The following SLC2A13 variants were observed in gnomAD, a reference collection of about 807,000 sequenced individuals.
The protein encoded by SLC2A13 is proton myo-inositol cotransporter.
A neutral mutation model predicts 64.4 loss-of-function variants in SLC2A13; 32 were observed. The observed-to-expected ratio is 0.50, with a 90% CI of 0.37 to 0.67. SLC2A13 has a LOEUF of 0.67. Ranked by LOEUF, SLC2A13 falls within the 30% of genes least tolerant of loss-of-function variation. The pLI is 0.00. For synonymous variants in SLC2A13, 338 were observed against 327.1 expected (o/e 1.03, Z -0.36); for missense variants, 743 against 829.2 (o/e 0.90, Z 1.28).
At chr12:40,053,205 C>T (rs1592042901) in intron 1 of SLC2A13, among the ~76,000 whole-genome samples, 2 of 150,212 alleles carry the variant, frequency 1.3e-5, no homozygotes, top group African/African-American at 4.9e-5. Context: ...TTGCTTGAAC[C>T]CGGGAGGCGG....
intron 7 of SLC2A13, among the ~76,000 whole-genome samples, chr12:39,775,964 G>C (rs1940759603): frequency 6.6e-6 from 1 of 152,160 alleles, no homozygotes. Context: ...CAAAAAGCTT[G>C]GAATTTTGGA....
At chr12:39,879,846 G>C (rs1944296295) in intron 4 of SLC2A13, among the ~76,000 whole-genome samples, 1 of 152,146 alleles carries the variant, frequency 6.6e-6, no homozygotes, top group Admixed American at 6.5e-5. Context: ...ATTTGGAAGG[G>C]GCCAGAGGTG....
At chr12:40,055,562 G>A (rs536038309) in intron 1 of SLC2A13, among the ~76,000 whole-genome samples, 3 of 152,304 alleles carry the variant, frequency 2.0e-5, no homozygotes, top group South Asian at 2.1e-4. Context: ...GCCTAAGGGC[G>A]TAGACTAAGT....
At chr12:39,997,285 A>G (rs1947247469) in intron 3 of SLC2A13, among the ~76,000 whole-genome samples, 1 of 152,240 alleles carries the variant, frequency 6.6e-6, no homozygotes, top group African/African-American at 2.4e-5. Context: ...TAAAGTGGGG[A>G]AAGGACACCA....
At chr12:39,819,268 A>G (rs971546305) in intron 7 of SLC2A13, among the ~76,000 whole-genome samples, 1 of 152,200 alleles carries the variant, frequency 6.6e-6, no homozygotes, top group African/African-American at 2.4e-5. Flanking sequence ...TTCATGGTTT[A>G]CAAATATTTT....
At chr12:40,010,691 T>G (rs1056455942) in intron 3 of SLC2A13, among the ~76,000 whole-genome samples, 2 of 152,310 alleles carry the variant, frequency 1.3e-5, no homozygotes, top group East Asian at 3.9e-4. Context: ...ACATTCAACT[T>G]AGGTTTTCAC....
rs1263730332 is a variant in SLC2A13, at chr12:39,979,748, T to C, written c.926-28383A>G. Among the ~76,000 whole-genome samples the C allele has an allele frequency of 6.7e-5, 7 of 103,758 alleles. No individual in the cohort carries two copies. The South Asian group carries it at 2.8e-3, about 41-fold the overall frequency. The allele number at this position is 103,758 out of a possible 152,430, so 68.1% of individuals were successfully genotyped here. ...AATGGAACCAAGTTGGAAAACACTCTGCAGGATATTATCCAGGAGAACTTC... is the reference window on the plus strand; with the variant it reads ...AATGGAACCAAGTTGGAAAACACTCCGCAGGATATTATCCAGGAGAACTTC... On this transcript the variant is annotated intron_variant, in intron 3 of 9. Transcript: ENST00000280871.
intron 4 of SLC2A13, among the ~76,000 whole-genome samples, chr12:39,898,154 A>G (rs1173078721): frequency 3.9e-5 from 6 of 152,148 alleles, no homozygotes; most frequent in African/African-American, 7.2e-5. Flanking sequence ...TTCCATTTGT[A>G]GAAGTATTCC....
intron 4 of SLC2A13, among the ~76,000 whole-genome samples, chr12:39,903,654 C>T (rs1467215971): frequency 1.3e-5 from 2 of 152,038 alleles, no homozygotes; most frequent in Non-Finnish European, 2.9e-5. Context: ...AGGGCTTCTA[C>T]AGGCATCTTC....
chr12:40,056,303 G>A (rs928814021), intron 1 of SLC2A13, among the ~76,000 whole-genome samples: 17 of 152,118 alleles, frequency 1.1e-4, no homozygotes, highest in African/African-American at 4.1e-4. Context: ...GAACAACACT[G>A]GATGAGAAAG....
At chr12:39,956,071 A>G (rs1946309972) in intron 3 of SLC2A13, among the ~76,000 whole-genome samples, 1 of 152,258 alleles carries the variant, frequency 6.6e-6, no homozygotes, top group South Asian at 2.1e-4. Context: ...CAGGACAGAT[A>G]TTAAAATAAT....
intron 1 of SLC2A13, among the ~76,000 whole-genome samples, chr12:40,079,260 A>C (rs1481771627): frequency 6.6e-6 from 1 of 152,188 alleles, no homozygotes; most frequent in Non-Finnish European, 1.5e-5. Flanking sequence ...TTAGCACTAT[A>C]AACTTTCCTC....
At chr12:39,958,220 A>T (rs1226397192) in intron 3 of SLC2A13, among the ~76,000 whole-genome samples, 2 of 152,156 alleles carry the variant, frequency 1.3e-5, no homozygotes, top group Admixed American at 1.3e-4. Flanking sequence ...AAAACATTGG[A>T]AAGATTTCTT....
intron 3 of SLC2A13, among the ~76,000 whole-genome samples, chr12:39,978,284 C>T (rs1946802465): frequency 6.6e-6 from 1 of 152,178 alleles, no homozygotes; most frequent in Non-Finnish European, 1.5e-5. Context: ...ACTTTAGAGT[C>T]ACACTATCTC....
chr12:39,812,377 CTTTTCTTTCTT>C (rs1566819025), intron 7 of SLC2A13, among the ~76,000 whole-genome samples: 9 of 118,052 alleles, frequency 7.6e-5, no homozygotes, highest in East Asian at 2.2e-4. Flanking sequence ...CTTTTCTTTT[CTTTTCTTTCTT>C]TCTCTCTCTC....
intron 7 of SLC2A13, among the ~76,000 whole-genome samples, chr12:39,788,973 G>A (rs971319880): frequency 2.0e-4 from 31 of 151,940 alleles, no homozygotes; most frequent in Admixed American, 2.6e-4. Flanking sequence ...AAACAAAATC[G>A]GATTGATGCC....
At chr12:39,965,490 T>C (rs1946493286) in intron 3 of SLC2A13, among the ~76,000 whole-genome samples, 1 of 152,172 alleles carries the variant, frequency 6.6e-6, no homozygotes, top group Admixed American at 6.5e-5. Flanking sequence ...CAAATGACTT[T>C]TAAAAACTAC....
intron 2 of SLC2A13, among the ~76,000 whole-genome samples, chr12:40,046,111 A>G (rs1440697142): frequency 6.6e-6 from 1 of 152,234 alleles, no homozygotes; most frequent in East Asian, 1.9e-4. Flanking sequence ...TTTACATATA[A>G]TAAGTAATTT....
At chr12:39,960,446 T>G (rs1946388800) in intron 3 of SLC2A13, among the ~76,000 whole-genome samples, 1 of 152,218 alleles carries the variant, frequency 6.6e-6, no homozygotes, top group Non-Finnish European at 1.5e-5. Flanking sequence ...AGCAGCGTGA[T>G]CTCAGCTCAC....
Sources: gnomAD v4.1 joint callset for allele counts (sites outside exome capture counted in the v4.1 genomes callset) on GRCh38, gnomAD v4.1.1 for gene constraint, MANE v1.5 for transcripts, NCBI Gene and HGNC (gene_info 2026-07-23, HGNC 2026-07-21) for gene names.